Variants in TTC7B observed in about 807,000 individuals in gnomAD.
The protein encoded by TTC7B is tetratricopeptide repeat protein 7B.
Under a neutral mutation model 106.8 loss-of-function variants are expected in TTC7B, and 28 were observed. That is an observed-to-expected ratio of 0.26 (90% CI 0.19 to 0.36). The LOEUF (loss-of-function observed/expected upper bound fraction) is 0.36. Ranked by LOEUF, TTC7B falls within the 10% of genes least tolerant of loss-of-function variation. The pLI is 1.00. For synonymous variants in TTC7B, 405 were observed against 430.6 expected, an observed-to-expected ratio of 0.94 and a Z score of 0.74; for missense variants, 862 against 1,076.4, an observed-to-expected ratio of 0.80 and a Z score of 2.79.
intron 15 of TTC7B, among the ~76,000 whole-genome samples, chr14:90,634,508 A>G (rs1286435): frequency 0.017 from 2,523 of 152,134 alleles, 63 homozygotes; most frequent in African/African-American, 0.058. Flanking sequence ...GGGGTGGGTC[A>G]GGCCTGTAAT....
At chr14:90,662,566 CT>C (rs911434775) in intron 9 of TTC7B, among the ~76,000 whole-genome samples, 5 of 152,206 alleles carry the variant, frequency 3.3e-5, no homozygotes, top group Non-Finnish European at 5.9e-5. Flanking sequence ...AATACACAAC[CT>C]GAATGGCAGC....
intron 1 of TTC7B, among the ~76,000 whole-genome samples, chr14:90,806,415 G>A (rs1019981723): frequency 6.6e-6 from 1 of 152,184 alleles, no homozygotes; most frequent in African/African-American, 2.4e-5. Context: ...CCCGCTGCAG[G>A]GCTTGCTACA....
chr14:90,606,288 G>A (rs980814938), intron 17 of TTC7B, among the ~76,000 whole-genome samples: 1 of 152,120 alleles, frequency 6.6e-6, no homozygotes, highest in African/African-American at 2.4e-5. Context: ...TGTGCTGGTT[G>A]GGCACTTTGG....
chr14:90,725,523 T>C (rs1273435023), intron 5 of TTC7B, among the ~76,000 whole-genome samples: 2 of 152,236 alleles, frequency 1.3e-5, no homozygotes, highest in African/African-American at 4.8e-5. Flanking sequence ...AGTAGATGCA[T>C]AGTGGTGATG....
intron 17 of TTC7B, among the ~76,000 whole-genome samples, chr14:90,598,161 A>T (rs1202957287): frequency 6.6e-6 from 1 of 152,214 alleles, no homozygotes; most frequent in African/African-American, 2.4e-5. Flanking sequence ...GTCACAGGAC[A>T]CAGGGGCTCT....
At chr14:90,690,725 G>A (rs1887437756) in intron 6 of TTC7B, among the ~76,000 whole-genome samples, 1 of 152,192 alleles carries the variant, frequency 6.6e-6, no homozygotes, top group African/African-American at 2.4e-5. Context: ...ATTCTTTGAA[G>A]ATGCAGACAA....
intron 15 of TTC7B, among the ~76,000 whole-genome samples, chr14:90,630,838 G>GTTTTTT: frequency 1.1e-5 from 1 of 92,626 alleles, no homozygotes; most frequent in Non-Finnish European, 2.8e-5. Flanking sequence ...CTTGTTTTTT[G>GTTTTTT]TTTTTTTTTT....
At chr14:90,679,624 G>A (rs540425949) in intron 8 of TTC7B, among the ~76,000 whole-genome samples, 4 of 152,174 alleles carry the variant, frequency 2.6e-5, no homozygotes, top group African/African-American at 7.2e-5. Context: ...TGTATAAAAC[G>A]AGGGAAGGGG....
Position 90,663,825 on chromosome 14 carries a change from C to T in TTC7B, c.1153-5438G>A, listed in dbSNP as rs1886302861. ...TGAGCTCTGGCATCACAGCCGATGG[C>T]GCTGCCTGCCAGTGGGCTCTTGGCA... is the stretch of plus-strand genomic sequence containing the variant. On this transcript the variant is annotated intron_variant, in intron 9 of 19. Coordinates refer to ENST00000328459, the MANE Select transcript of TTC7B (RefSeq NM_001010854.2). The surrounding 1 kb of genome is among the most constrained non-coding windows in gnomAD (Gnocchi z 4.5). Among the ~76,000 whole-genome samples the T allele has an allele frequency of 1.3e-5, 2 of 152,222 alleles. No individual in the cohort carries two copies. The highest frequency in any genetic ancestry group is 6.5e-5 in the Admixed American group (1 of 15,278).
intron 11 of TTC7B, among the ~76,000 whole-genome samples, chr14:90,656,039 C>T (rs1055522098): frequency 5.3e-5 from 8 of 152,212 alleles, no homozygotes; most frequent in African/African-American, 1.2e-4. Flanking sequence ...GCACCATCCC[C>T]TTGCCTGCTC....
intron 18 of TTC7B, among the ~76,000 whole-genome samples, chr14:90,589,220 C>T (rs1412947810): frequency 1.3e-5 from 2 of 152,150 alleles, no homozygotes; most frequent in Non-Finnish European, 2.9e-5. Context: ...CCCCTTCATC[C>T]ATCACTTCCA....
chr14:90,682,700 C>T (rs192193157), intron 7 of TTC7B, among the ~76,000 whole-genome samples: 13 of 151,960 alleles, frequency 8.6e-5, no homozygotes, highest in Non-Finnish European at 1.5e-4. Flanking sequence ...GAGGAAGTTG[C>T]GTGAAGGGGA....
In TTC7B at chr14:90,689,597, C is replaced by T. The variant is rs771298017; in HGVS notation, c.893G>A (p.Gly298Glu). The change falls in exon 7 of 20, where the codon GGA becomes GAA. Residue 298 changes from glycine to glutamate, a missense_variant. Physicochemically the swap from Gly to Glu is moderately conservative, Grantham distance 98. Transcript: ENST00000328459. Reference protein sequence around the residue: ...QSPLDDPLRKGANTKTYTLTR... With the variant: ...QSPLDDPLRKEANTKTYTLTR... ...GAGAGTGTAGGTTTTTGTGTTTGCT[C>T]CTTTGCGGAGAGGATCGTCCAGAGG... is the stretch of plus-strand genomic sequence containing the variant. 3.1e-6 allele frequency: 5 copies of T among 1,613,992 alleles called. No homozygotes were observed. Among genetic ancestry groups the T allele is most frequent in the African/African-American group, 2.7e-5 (2 of 74,910 alleles).
intron 15 of TTC7B, among the ~76,000 whole-genome samples, chr14:90,622,004 G>A (rs1282996223): frequency 6.6e-6 from 1 of 152,082 alleles, no homozygotes; most frequent in Non-Finnish European, 1.5e-5. Context: ...GGAAAAACTT[G>A]GGAAAAGTTA....
At chr14:90,647,288 C>T (rs1420083243) in intron 13 of TTC7B, 7 of 417,356 alleles carry the variant, frequency 1.7e-5, no homozygotes, top group African/African-American at 4.0e-5. Context: ...GTCGGCTTTG[C>T]GGAGGGCCTC....
rs1479413802 is a variant in TTC7B at position 90,808,967 on chromosome 14, G to A, written c.121+7208C>T. ...TAGAACGCCTTCAGCAGCCAGTAAC[G>A]ACCAAACGCCTGACTCAGTGTGGCT... On this transcript the variant is annotated intron_variant, in intron 1 of 19. Transcript: ENST00000328459. The surrounding 1 kb of genome is among the most constrained non-coding windows in gnomAD (Gnocchi z 4.2). Among the ~76,000 whole-genome samples, 2 of 152,190 alleles carry A rather than the reference G, an allele frequency of 1.3e-5. No individual in the cohort carries two copies. The highest frequency in any genetic ancestry group is 2.1e-4 in the South Asian group (1 of 4,828).
chr14:90,786,862 T>A (rs1428521247), intron 1 of TTC7B, among the ~76,000 whole-genome samples: 1 of 152,062 alleles, frequency 6.6e-6, no homozygotes, highest in African/African-American at 2.4e-5. Flanking sequence ...ATTACAGGCA[T>A]GAGCCACTGC....
At chr14:90,630,634 C>A (rs1207169959) in intron 15 of TTC7B, among the ~76,000 whole-genome samples, 1 of 152,188 alleles carries the variant, frequency 6.6e-6, no homozygotes. Context: ...ACCCACTGAA[C>A]AATAGCTTCC....
chr14:90,698,926 A>G (rs1456183032), intron 5 of TTC7B: 1 of 314,504 alleles, frequency 3.2e-6, no homozygotes, highest in South Asian at 2.5e-5. Flanking sequence ...ATGGGGACAT[A>G]GTCTACTCTT....
Sources: gnomAD v4.1 joint callset for allele counts (sites outside exome capture counted in the v4.1 genomes callset) on GRCh38, gnomAD v4.1.1 for gene constraint, Gnocchi (gnomAD v3.1) non-coding constraint, MANE v1.5 for transcripts, NCBI Gene and HGNC (gene_info 2026-07-23, HGNC 2026-07-21) for gene names.